The following AGBL1 variants were observed in gnomAD, a reference collection of about 807,000 sequenced individuals.
The protein encoded by AGBL1 is cytosolic carboxypeptidase 4.
AGBL1 carries 130 observed loss-of-function variants against 118.9 expected under a neutral mutation model. The ratio of observed to expected loss-of-function variants is 1.09; its 90% confidence interval spans 0.95 to 1.26. The LOEUF (loss-of-function observed/expected upper bound fraction) is 1.26, where lower values mean the gene tolerates loss of function less well. Among genes scored for constraint, AGBL1 ranks in the 50% most tolerant of loss-of-function variants. AGBL1 has a pLI of 0.00. For synonymous variants in AGBL1, 555 were observed against 478.9 expected (o/e 1.16, Z -2.08); for missense variants, 1,584 against 1,298.1 (o/e 1.22, Z -3.38).
chr15:86,898,025 C>T lies in AGBL1; in HGVS notation c.3159-9062C>T, dbSNP rs374898586. On this transcript the variant is annotated intron_variant, in intron 22 of 22. Transcript: ENST00000614907. ...TAGGCCCAAGTGATCTGCCCACCCACACCTACCGAGTGCTGGGACTACAGG... is the reference window on the plus strand; with the variant it reads ...TAGGCCCAAGTGATCTGCCCACCCATACCTACCGAGTGCTGGGACTACAGG... 5.3e-5 allele frequency among the ~76,000 whole-genome samples: 8 copies of T among 152,058 alleles called. No individual in the cohort carries two copies. In the East Asian group the frequency reaches 1.4e-3, roughly 26 times the overall value.
At position 86,231,724 on chromosome 15, in the gene AGBL1, A is replaced by C. The variant is rs544790892; in HGVS notation, c.526+6773A>C. On this transcript the variant is annotated intron_variant, in intron 6 of 22. Transcript: ENST00000614907. ...GAAAGCTGAAGTAACTCACATCGTT[A>C]GTGGGCTGCAGGGCTTACCTGCCAG... 3.3e-4 allele frequency among the ~76,000 whole-genome samples: 51 copies of C among 152,358 alleles called. No homozygotes were observed. The South Asian group carries it at 0.01, about 30-fold the overall frequency.
At chr15:86,476,740 A>T (rs1016119601) in intron 18 of AGBL1, among the ~76,000 whole-genome samples, 1 of 152,124 alleles carries the variant, frequency 6.6e-6, no homozygotes, top group African/African-American at 2.4e-5. Flanking sequence ...CCTAATAGAC[A>T]TCTACGGAAC....
In AGBL1 at chr15:86,265,593, G is replaced by A. The variant is rs868797080; in HGVS notation, c.1667+755G>A. Among the ~76,000 whole-genome samples, 28 of 152,196 alleles carry A rather than the reference G, an allele frequency of 1.8e-4. 1 individual carries two copies. The highest frequency in any genetic ancestry group is 6.8e-4 in the African/African-American group (28 of 41,428). On this transcript the variant is annotated intron_variant, in intron 11 of 22. Coordinates refer to ENST00000614907, the MANE Select transcript of AGBL1 (RefSeq NM_001386094.1). ...GTCATCTGTAAATTATTCTCTTGAT[G>A]GTAAATCCCCCAAACTGCTCCCACT...
intron 17 of AGBL1, among the ~76,000 whole-genome samples, chr15:86,307,441 G>C (rs1474128503): frequency 6.7e-6 from 1 of 149,116 alleles, no homozygotes; most frequent in South Asian, 2.1e-4. Context: ...GTTTTTTTTT[G>C]CTTAATTTTC....
At chr15:86,383,681 G>A (rs1024106606) in intron 17 of AGBL1, among the ~76,000 whole-genome samples, 4 of 152,146 alleles carry the variant, frequency 2.6e-5, no homozygotes, top group South Asian at 2.1e-4. Context: ...CTTCGCTGAC[G>A]TGTAAGGGCA....
At chr15:86,972,839 C>T (rs1454734360) in intron 23 of AGBL1, among the ~76,000 whole-genome samples, 1 of 151,948 alleles carries the variant, frequency 6.6e-6, no homozygotes, top group Non-Finnish European at 1.5e-5. Flanking sequence ...TTTTCACAAT[C>T]TGACAAGTAA....
chr15:86,776,419 C>A (rs984442907), intron 22 of AGBL1, among the ~76,000 whole-genome samples: 5 of 151,860 alleles, frequency 3.3e-5, no homozygotes, highest in African/African-American at 9.7e-5. Flanking sequence ...TGAGCTCAAC[C>A]CCTCATATTT....
At chr15:86,750,254 TTTAATTA>T (rs1415932956) in intron 22 of AGBL1, among the ~76,000 whole-genome samples, 1 of 152,090 alleles carries the variant, frequency 6.6e-6, no homozygotes, top group Non-Finnish European at 1.5e-5. Flanking sequence ...CTTTTTTATT[TTTAATTA>T]TTAAGTATAA....
chr15:86,187,128 A>G (rs539709506), intron 5 of AGBL1, among the ~76,000 whole-genome samples: 1 of 152,206 alleles, frequency 6.6e-6, no homozygotes, highest in African/African-American at 2.4e-5. Context: ...TGGAATGAAA[A>G]CCAACACACA....
Position 86,080,029 on chromosome 15 carries a change from A to C in AGBL1, c.51+6A>C. ...TCCTGCTGCACACGCTTCAGGTAGG[A>C]AAGGGTAGAGTGGGTGCAGAACCCG... On this transcript the variant is annotated splice_donor_region_variant and intron_variant, in intron 1 of 22. Coordinates refer to ENST00000614907, the MANE Select transcript of AGBL1 (RefSeq NM_001386094.1). 8.1e-7 allele frequency: 1 copy of C among 1,232,086 alleles called. No homozygotes were observed. Among genetic ancestry groups the C allele is most frequent in the Non-Finnish European group, 1.0e-6 (1 of 987,930 alleles). The allele number at this position is 1,232,086 out of a possible 1,614,324, so 76.3% of individuals were successfully genotyped here.
chr15:86,854,688 G>A (rs1283487865), intron 22 of AGBL1, among the ~76,000 whole-genome samples: 1 of 152,056 alleles, frequency 6.6e-6, no homozygotes, highest in Non-Finnish European at 1.5e-5. Context: ...TTCTAGCAAA[G>A]GCCATTGATA....
intron 17 of AGBL1, among the ~76,000 whole-genome samples, chr15:86,333,793 C>T (rs1157257255): frequency 2.0e-5 from 3 of 152,208 alleles, no homozygotes; most frequent in South Asian, 4.1e-4. Flanking sequence ...CAACAAAATG[C>T]TAGCAAGCTG....
chr15:86,556,957 T>C (rs148265059), intron 21 of AGBL1, among the ~76,000 whole-genome samples: 154 of 152,302 alleles, frequency 1.0e-3, no homozygotes, highest in Admixed American at 4.0e-3. Context: ...GAAATATCAT[T>C]CTTTACAGTG....
intron 19 of AGBL1, among the ~76,000 whole-genome samples, chr15:86,545,461 T>G (rs1354669353): frequency 6.6e-6 from 1 of 152,150 alleles, no homozygotes; most frequent in African/African-American, 2.4e-5. Flanking sequence ...GGTAAACTTG[T>G]GTCATGGAGC....
chr15:86,351,118 CAG>C (rs1302671048), intron 17 of AGBL1, among the ~76,000 whole-genome samples: 1 of 152,080 alleles, frequency 6.6e-6, no homozygotes, highest in Non-Finnish European at 1.5e-5. Context: ...TTATAATAAA[CAG>C]AAATTTATTG....
intron 17 of AGBL1, among the ~76,000 whole-genome samples, chr15:86,315,084 A>C (rs1260729948): frequency 5.3e-5 from 8 of 152,178 alleles, no homozygotes; most frequent in Non-Finnish European, 1.0e-4. Context: ...AAATACTCAT[A>C]CCCATAATCT....
At chr15:86,331,558 G>A (rs574078571) in intron 17 of AGBL1, among the ~76,000 whole-genome samples, 16 of 152,278 alleles carry the variant, frequency 1.1e-4, no homozygotes, top group Middle Eastern at 3.4e-3. Context: ...AGGGAAAAAG[G>A]TCAGATTGCA....
intron 21 of AGBL1, among the ~76,000 whole-genome samples, chr15:86,571,332 C>T (rs574055461): frequency 7.2e-5 from 11 of 152,206 alleles, no homozygotes; most frequent in South Asian, 4.1e-4. Context: ...CAGCAGGTCC[C>T]GAGTTCTTGT....
chr15:86,804,998 C>T (rs1013421481), intron 22 of AGBL1, among the ~76,000 whole-genome samples: 1 of 151,944 alleles, frequency 6.6e-6, no homozygotes, highest in Non-Finnish European at 1.5e-5. Flanking sequence ...TGAGCAGGGT[C>T]CCGTGGGAAA....
Sources: allele counts gnomAD v4.1 joint callset (sites outside exome capture counted in the v4.1 genomes callset), GRCh38; gene constraint gnomAD v4.1.1; transcripts MANE v1.5; gene names NCBI Gene and HGNC (gene_info 2026-07-23, HGNC 2026-07-21).